Variants in COL4A1 observed in about 807,000 individuals in gnomAD.
COL4A1 encodes collagen alpha-1(IV) chain.
COL4A1 carries 40 observed loss-of-function variants against 216.6 expected under a neutral mutation model. The ratio of observed to expected loss-of-function variants is 0.18; its 90% CI spans 0.14 to 0.24. COL4A1 has a LOEUF of 0.24. Ranked by LOEUF, COL4A1 falls within the 10% of genes least tolerant of loss-of-function variation. The pLI, the probability that COL4A1 is intolerant of heterozygous loss-of-function variation, is 1.00. For missense variants in COL4A1, 1,628 were observed against 2,196.8 expected (o/e 0.74, Z 5.18); for synonymous variants, 839 against 810.7 (o/e 1.03, Z -0.59).
At chr13:110,209,497 G>T in intron 10 of COL4A1, 70 bp from the exon 11 acceptor site, 1 of 1,081,970 alleles carries the variant, frequency 9.2e-7, no homozygotes, top group South Asian at 1.4e-5. Flanking sequence ...TCTTCAGGCT[G>T]ACGTTATCTT....
rs1594574609 is a variant in COL4A1, at chr13:110,200,753, G to A, written c.1120+101C>T. On this transcript the variant is annotated intron_variant, in intron 20 of 51. Transcript: ENST00000375820. ...AGATGTCGTAAGATTGCTACCGATT[G>A]TGTGCAAATATCTAACATTCGTGAT... is the stretch of plus-strand genomic sequence containing the variant. The A allele has an allele frequency of 2.4e-6, 3 of 1,238,434 alleles. No individual in the cohort carries two copies. The Admixed American group carries it at 5.5e-5, about 23-fold the overall frequency. 76.7% of individuals were successfully genotyped at this position (1,238,434 alleles called of 1,614,324 possible).
chr13:110,306,494 C>A (rs1884714660), intron 1 of COL4A1, among the ~76,000 whole-genome samples: 1 of 152,192 alleles, frequency 6.6e-6, no homozygotes, highest in Admixed American at 6.5e-5. Context: ...ACGCCCAAAG[C>A]TGCTCCCAGG....
intron 1 of COL4A1, among the ~76,000 whole-genome samples, chr13:110,302,480 C>T (rs1245279952): frequency 1.1e-4 from 17 of 152,134 alleles, no homozygotes; most frequent in Admixed American, 1.0e-3. Context: ...AAGAGAACCA[C>T]GCAGAGCTGC....
intron 1 of COL4A1, among the ~76,000 whole-genome samples, chr13:110,281,430 A>T (rs1883629324): frequency 6.6e-6 from 1 of 152,212 alleles, no homozygotes; most frequent in South Asian, 2.1e-4. Context: ...AGGAGAACCC[A>T]GATGTGCCAT....
Position 110,150,058 on chromosome 13 carries a change from T to G in COL4A1, c.*305A>C. 1 of 417,146 alleles carries G rather than the reference T, an allele frequency of 2.4e-6. No homozygotes were observed. Among genetic ancestry groups the G allele is most frequent in the African/African-American group, 2.0e-5 (1 of 49,128 alleles). The allele number at this position is 417,146 out of a possible 1,614,324, so 25.8% of individuals were successfully genotyped here. A position where few individuals can be genotyped will look rare whatever the true frequency, so the allele number is the denominator to read the frequency against. On this transcript the variant is annotated 3_prime_UTR_variant, in exon 52 of 52. Coordinates refer to ENST00000375820, the MANE Select transcript of COL4A1 (RefSeq NM_001845.6). Reference sequence around the variant, plus strand: ...AGGCACCCACACCTCCTAGCACCCTTTGGTTTTCTGATGGAGTTCTCACTT... The same window carrying G: ...AGGCACCCACACCTCCTAGCACCCTGTGGTTTTCTGATGGAGTTCTCACTT...
intron 46 of COL4A1, among the ~76,000 whole-genome samples, chr13:110,164,364 C>T (rs879822599): frequency 7.9e-5 from 12 of 152,192 alleles, no homozygotes; most frequent in Non-Finnish European, 1.3e-4. Context: ...TTCTCCTTTA[C>T]TTCCCACCCA....
At position 110,269,007 on chromosome 13, in the gene COL4A1, G is replaced by A. The variant is rs574162471; in HGVS notation, c.85-26273C>T. Among the ~76,000 whole-genome samples the A allele has an allele frequency of 2.0e-5, 3 of 149,974 alleles. No individual in the cohort carries two copies. In the East Asian group the frequency reaches 6.6e-4, roughly 33 times the overall value. On this transcript the variant is annotated intron_variant, in intron 1 of 51. Coordinates refer to ENST00000375820, the MANE Select transcript of COL4A1 (RefSeq NM_001845.6). The stretch of plus-strand genomic sequence containing the variant: ...TTGCAGCACCACGGCCCACCTCTTG[G>A]CGCACGGAGAACTGATCCAGGCTCA...
chr13:110,222,148 C>G (rs1371757874), intron 2 of COL4A1, among the ~76,000 whole-genome samples: 2 of 152,166 alleles, frequency 1.3e-5, no homozygotes, highest in African/African-American at 4.8e-5. Context: ...CCTGGCACCC[C>G]TCAGCACATT....
intron 49 of COL4A1, chr13:110,160,883 A>AT (rs1594535238): frequency 5.3e-6 from 2 of 379,138 alleles, no homozygotes; most frequent in Non-Finnish European, 1.0e-5. Context: ...TAACTTTTGT[A>AT]TTTTTTGTGG....
chr13:110,219,688 A>ATATG (rs1555307876), intron 2 of COL4A1, among the ~76,000 whole-genome samples: 2 of 114,050 alleles, frequency 1.8e-5, no homozygotes, highest in Non-Finnish European at 3.7e-5. Context: ...GTGTATATAT[A>ATATG]TGTATATATA....
chr13:110,160,011 T>G (rs1177333841), intron 49 of COL4A1, among the ~76,000 whole-genome samples: 1 of 152,156 alleles, frequency 6.6e-6, no homozygotes, highest in African/African-American at 2.4e-5. Flanking sequence ...AATAAAAAAG[T>G]TCAGGAGACG....
chr13:110,223,194 T>C (rs61963279), intron 2 of COL4A1, among the ~76,000 whole-genome samples: 3,330 of 152,278 alleles, frequency 0.022, 46 homozygotes, highest in Non-Finnish European at 0.03. Context: ...AATTACATTC[T>C]ACAAAGCATG....
chr13:110,221,204 A>G (rs1880462220), intron 2 of COL4A1, among the ~76,000 whole-genome samples: 1 of 152,212 alleles, frequency 6.6e-6, no homozygotes, highest in Non-Finnish European at 1.5e-5. Context: ...TGTAATCCAA[A>G]GCTAGAAGGC....
In COL4A1 at chr13:110,162,320, G is replaced by A. The variant is rs370341214; in HGVS notation, c.4372C>T (p.Pro1458Ser). 2.1e-5 allele frequency: 34 copies of A among 1,614,080 alleles called. No homozygotes were observed. Among genetic ancestry groups the A allele is most frequent in the Non-Finnish European group, 2.8e-5 (33 of 1,180,014 alleles). The change falls in exon 48 of 52, where the codon CCA becomes TCA. Residue 1458 changes from proline to serine, a missense_variant. Physicochemically the swap from Pro to Ser is moderately conservative, Grantham distance 74. Coordinates refer to ENST00000375820, the MANE Select transcript of COL4A1 (RefSeq NM_001845.6). ...ATTTTGGTCCCAGAAGGACACTGTG[G>A]GTCATCTATTGTTTGACTATGCCTG... Reference protein sequence around the residue: ...VTRHSQTIDDPQCPSGTKILY... With the variant: ...VTRHSQTIDDSQCPSGTKILY...
chr13:110,284,926 C>T (rs1015519631), intron 1 of COL4A1, among the ~76,000 whole-genome samples: 4 of 152,148 alleles, frequency 2.6e-5, no homozygotes, highest in South Asian at 4.1e-4. Context: ...GAGATGACAC[C>T]GTCCCTGCCC....
chr13:110,287,867 C>T (rs968777376), intron 1 of COL4A1, among the ~76,000 whole-genome samples: 1 of 152,154 alleles, frequency 6.6e-6, no homozygotes, highest in Admixed American at 6.5e-5. Context: ...AGAAGAGAGC[C>T]GTTCAAGTGG....
chr13:110,237,869 A>C lies in COL4A1; in HGVS notation c.144+4806T>G, dbSNP rs561201545. ...AAGCTACAAACTGTTTGCCATAACAAAAGAAAGGGTATCCTGTACAAGCTC... is the reference window on the plus strand; with the variant it reads ...AAGCTACAAACTGTTTGCCATAACACAAGAAAGGGTATCCTGTACAAGCTC... On this transcript the variant is annotated intron_variant, in intron 2 of 51. Transcript: ENST00000375820. Among the ~76,000 whole-genome samples, 41 of 152,360 alleles carry C rather than the reference A, an allele frequency of 2.7e-4. No homozygotes were observed. In the South Asian group the frequency reaches 7.9e-3, roughly 29 times the overall value.
At chr13:110,174,601 A>G in intron 38 of COL4A1, 22 bp downstream of exon 38, 1 of 1,614,146 alleles carries the variant, frequency 6.2e-7, no homozygotes, top group African/African-American at 1.3e-5. Context: ...CCCCAAGTCC[A>G]AGAGAAGCCC....
intron 24 of COL4A1, chr13:110,191,417 GAACA>G (rs1878620653): frequency 2.6e-6 from 1 of 385,890 alleles, no homozygotes; most frequent in Non-Finnish European, 4.6e-6. Flanking sequence ...AAGCTCAGAA[GAACA>G]AAGAAAATAC....
Sources: allele counts gnomAD v4.1 joint callset (sites outside exome capture counted in the v4.1 genomes callset), GRCh38; gene constraint gnomAD v4.1.1; transcripts MANE v1.5; gene names NCBI Gene and HGNC (gene_info 2026-07-23, HGNC 2026-07-21).